The following DIABLO variants were observed in gnomAD, a reference collection of about 807,000 sequenced individuals.
DIABLO encodes diablo IAP-binding mitochondrial protein.
Under a neutral mutation model 31.7 loss-of-function variants are expected in DIABLO, and 32 were observed. That is an observed-to-expected ratio of 1.01 (90% CI 0.76 to 1.35). The LOEUF (loss-of-function observed/expected upper bound fraction) is 1.35. Among genes scored for constraint, DIABLO ranks in the 40% most tolerant of loss-of-function variants. The pLI, the probability that DIABLO is intolerant of heterozygous loss-of-function variation, is 0.00. For synonymous variants in DIABLO, 132 were observed against 103.2 expected (o/e 1.28, Z -1.69); for missense variants, 316 against 286.4 (o/e 1.10, Z -0.75).
chr12:122,227,378 T>C, upstream of DIABLO: 1 of 453,950 alleles, frequency 2.2e-6, no homozygotes, highest in Non-Finnish European at 4.4e-6. Flanking sequence ...CCACGAATCT[T>C]CCACCCTGAA....
At position 122,224,737 on chromosome 12, in the gene DIABLO, C is replaced by T. The variant is rs776523376; in HGVS notation, c.51-93G>A. 6 of 1,611,266 alleles carry T rather than the reference C, an allele frequency of 3.7e-6. No individual in the cohort carries two copies. The African/African-American group carries it at 5.3e-5, about 14-fold the overall frequency. ...CAGGGGCTGTAAACTCAAACTCGAG[C>T]CAAGCAGGAACCTAAATGAGGATGC... is the stretch of plus-strand genomic sequence containing the variant. On this transcript the variant is annotated intron_variant, in intron 1 of 5. Transcript: ENST00000464942.
In DIABLO at chr12:122,207,775, T is replaced by TAA. The variant is rs562932752; in HGVS notation, c.*604_*605dup. 1 of 471,928 alleles carries TAA rather than the reference T, an allele frequency of 2.1e-6. No homozygotes were observed. Among genetic ancestry groups the TAA allele is most frequent in the Non-Finnish European group, 4.2e-6 (1 of 239,052 alleles). 29.2% of individuals were successfully genotyped at this position (471,928 alleles called of 1,614,324 possible). On this transcript the variant is annotated 3_prime_UTR_variant, in exon 6 of 6. Coordinates refer to ENST00000464942, the MANE Select transcript of DIABLO (RefSeq NM_001371333.1). ...AAAGGAAGGAACAAGAGGCCTGTGT[T>TAA]AAGTCCTGTTGATGTTAAGTCCTGT...
At chr12:122,214,761 C>T (rs1221809979) in intron 5 of DIABLO, among the ~76,000 whole-genome samples, 1 of 151,978 alleles carries the variant, frequency 6.6e-6, no homozygotes, top group African/African-American at 2.4e-5. Context: ...GTCACCAAGG[C>T]TTGAGGTGCA....
At chr12:122,227,261 GACAGTAGGAACCCT>G, upstream of DIABLO, 1 of 401,230 alleles carries the variant, frequency 2.5e-6, no homozygotes, top group South Asian at 1.8e-5. Flanking sequence ...CAGCTCATCA[GACAGTAGGAACCCT>G]ACAACACCTC....
chr12:122,220,743 G>A (rs141260183), intron 2 of DIABLO: 1 of 152,168 alleles, frequency 6.6e-6, no homozygotes, highest in Non-Finnish European at 1.5e-5. Flanking sequence ...CAAACACTCA[G>A]AATCACTGCA....
upstream of DIABLO, chr12:122,226,574 C>T (rs1566031910): frequency 2.9e-6 from 2 of 696,956 alleles, no homozygotes; most frequent in Non-Finnish European, 2.6e-6. Context: ...TCGCGCTGCG[C>T]GGGAGCCCCA....
chr12:122,223,413 A>T (rs1375539948), intron 2 of DIABLO, among the ~76,000 whole-genome samples: 1 of 151,446 alleles, frequency 6.6e-6, no homozygotes, highest in African/African-American at 2.4e-5. Context: ...CAGCCTGGCA[A>T]CAGAGTGAGA....
intron 3 of DIABLO, chr12:122,217,683 A>T (rs1029692753): frequency 6.4e-6 from 1 of 156,838 alleles, no homozygotes; most frequent in African/African-American, 2.4e-5. Context: ...TGCCTGGCTA[A>T]GTTTAAAATT....
At chr12:122,223,433 TAAAAAA>T (rs34214105) in intron 2 of DIABLO, among the ~76,000 whole-genome samples, 1 of 139,996 alleles carries the variant, frequency 7.1e-6, no homozygotes, top group Non-Finnish European at 1.6e-5. Context: ...ACTCTGTCTT[TAAAAAA>T]AAAAAAAAAA....
intron 1 of DIABLO, chr12:122,225,393 A>T: frequency 1.0e-6 from 1 of 993,250 alleles, no homozygotes. Context: ...TCTCAAAAAA[A>T]TTAAAATAAA....
rs779040136 is a variant in DIABLO, at chr12:122,208,509, G to A, written c.592C>T (p.His198Tyr). The A allele has an allele frequency of 2.5e-6, 4 of 1,613,970 alleles. No individual in the cohort carries two copies. Among genetic ancestry groups the A allele is most frequent in the East Asian group, 4.5e-5 (2 of 44,898 alleles). Residue 198 changes from histidine to tyrosine, a missense_variant, in exon 6 of 6, where the codon CAC becomes TAC. Physicochemically the swap from His to Tyr is moderately conservative, Grantham distance 83. Transcript: ENST00000464942. ...QLVKLQVEEV[H>Y]QLSRKAETKL... ...GTTTCTGCTTTCCGGGAGAGCTGGTGCACCTCTTCCACCTGCAGTTTCACC... is the reference window on the plus strand; with the variant it reads ...GTTTCTGCTTTCCGGGAGAGCTGGTACACCTCTTCCACCTGCAGTTTCACC...
At chr12:122,225,847 A>G in intron 1 of DIABLO, 118 bp downstream of exon 1, 1 of 1,529,238 alleles carries the variant, frequency 6.5e-7, no homozygotes, top group Non-Finnish European at 8.8e-7. Flanking sequence ...GCCGCGACCC[A>G]GCTGGGCGGA....
intron 2 of DIABLO, chr12:122,220,505 A>AT (rs1026737531): frequency 1.3e-5 from 2 of 152,024 alleles, no homozygotes; most frequent in Non-Finnish European, 2.9e-5. Context: ...AAAGACACAA[A>AT]TTAGCTGGGC....
At chr12:122,225,749 T>C in intron 1 of DIABLO, 3 of 1,436,664 alleles carry the variant, frequency 2.1e-6, no homozygotes, top group Non-Finnish European at 2.7e-6. Flanking sequence ...GACTCGTTTC[T>C]AGAAGATGGA....
intron 2 of DIABLO, 88 bp from the exon 3 acceptor site, chr12:122,218,485 T>A: frequency 1.9e-6 from 3 of 1,558,954 alleles, no homozygotes; most frequent in Non-Finnish European, 1.8e-6. Context: ...GTAATTGTCA[T>A]GCTGCTTAGT....
chr12:122,215,965 G>A (rs181334167), intron 5 of DIABLO, among the ~76,000 whole-genome samples: 29 of 147,592 alleles, frequency 2.0e-4, no homozygotes, highest in Non-Finnish European at 3.3e-4. Flanking sequence ...CATCTTAGCC[G>A]AATGATCTGG....
intron 5 of DIABLO, chr12:122,208,841 T>A (rs1241589294): frequency 1.7e-6 from 1 of 576,434 alleles, no homozygotes; most frequent in Non-Finnish European, 3.3e-6. Flanking sequence ...CACAATCATC[T>A]TTATAGCTAC....
upstream of DIABLO, chr12:122,226,271 T>C (rs1326102292): frequency 1.4e-6 from 1 of 691,840 alleles, no homozygotes; most frequent in Non-Finnish European, 2.6e-6. Context: ...CGGAGGTGGG[T>C]CCGGCGCGGA....
At chr12:122,218,075 T>A (rs1016166143) in intron 3 of DIABLO, among the ~76,000 whole-genome samples, 191 bp downstream of exon 3, 24 of 152,176 alleles carry the variant, frequency 1.6e-4, no homozygotes, top group Admixed American at 1.6e-3. Flanking sequence ...GTAAATATTT[T>A]GGGCTTTGTG....
Sources: allele counts gnomAD v4.1 joint callset (sites outside exome capture counted in the v4.1 genomes callset), GRCh38; gene constraint gnomAD v4.1.1; transcripts MANE v1.5; gene names NCBI Gene and HGNC (gene_info 2026-07-23, HGNC 2026-07-21).